Variants in FAM13A observed in about 807,000 individuals in gnomAD.
FAM13A encodes the protein family with sequence similarity 13 member A, also known as protein FAM13A.
A neutral mutation model predicts 129.6 loss-of-function variants in FAM13A; 76 were observed. The ratio of observed to expected loss-of-function variants is 0.59; its 90% CI spans 0.49 to 0.71. The LOEUF (loss-of-function observed/expected upper bound fraction) is 0.71. Among genes scored for constraint, FAM13A ranks in the 30% least tolerant of loss-of-function variants. The pLI is 0.00. For synonymous variants in FAM13A, 443 were observed against 449.9 expected, an observed-to-expected ratio of 0.98 and a Z score of 0.20; for missense variants, 1,108 against 1,249.3, an observed-to-expected ratio of 0.89 and a Z score of 1.70.
chr4:88,949,417 A>C (rs969571393), intron 4 of FAM13A, among the ~76,000 whole-genome samples: 1 of 152,202 alleles, frequency 6.6e-6, no homozygotes, highest in Non-Finnish European at 1.5e-5. Flanking sequence ...GACACACTGG[A>C]ACATTCTCCC....
At chr4:88,731,879 A>C (rs1225547452) in intron 22 of FAM13A, 123 bp downstream of exon 22, 3 of 781,452 alleles carry the variant, frequency 3.8e-6, no homozygotes, top group Non-Finnish European at 5.9e-6. Context: ...CGTTTTATCC[A>C]GATACACCCC....
intron 7 of FAM13A, among the ~76,000 whole-genome samples, chr4:88,831,706 C>T (rs1248490104): frequency 1.3e-5 from 2 of 152,114 alleles, no homozygotes; most frequent in Non-Finnish European, 2.9e-5. Context: ...AGGACCTCTT[C>T]AAGGAGAAGT....
chr4:88,754,578 G>T (rs1247842794), intron 14 of FAM13A, among the ~76,000 whole-genome samples: 1 of 152,162 alleles, frequency 6.6e-6, no homozygotes, highest in African/African-American at 2.4e-5. Context: ...TTTCTGCTCA[G>T]CTGAGCTAGG....
At chr4:88,735,144 T>A (rs1738719231) in intron 21 of FAM13A, among the ~76,000 whole-genome samples, 1 of 152,124 alleles carries the variant, frequency 6.6e-6, no homozygotes, top group African/African-American at 2.4e-5. Flanking sequence ...CAGGTGACTG[T>A]AAATACAGGC....
intron 5 of FAM13A, among the ~76,000 whole-genome samples, chr4:88,909,773 C>T (rs1417166606): frequency 6.6e-6 from 1 of 152,140 alleles, no homozygotes; most frequent in African/African-American, 2.4e-5. Flanking sequence ...AAGTGAGCCA[C>T]CGTACCCAGC....
chr4:89,024,144 A>C (rs1767629791), intron 2 of FAM13A, among the ~76,000 whole-genome samples: 1 of 152,228 alleles, frequency 6.6e-6, no homozygotes, highest in African/African-American at 2.4e-5. Context: ...AAATAGTATG[A>C]ATATTAAAAA....
intron 13 of FAM13A, chr4:88,759,222 T>A: frequency 4.4e-6 from 1 of 229,144 alleles, no homozygotes; most frequent in Non-Finnish European, 8.8e-6. Context: ...GGAGTATGGC[T>A]CTCATGACTG....
intron 5 of FAM13A, among the ~76,000 whole-genome samples, chr4:88,929,301 T>C (rs796547027): frequency 9.2e-4 from 140 of 152,288 alleles, no homozygotes; most frequent in Middle Eastern, 3.4e-3. Flanking sequence ...TAGACTTTTT[T>C]CTCTGGCTAA....
chr4:89,028,684 C>T (rs1312180370), intron 2 of FAM13A, among the ~76,000 whole-genome samples: 2 of 151,658 alleles, frequency 1.3e-5, no homozygotes, highest in Non-Finnish European at 2.9e-5. Flanking sequence ...GAGCAAGACC[C>T]TATCTCTTAA....
At chr4:88,732,310 G>T (rs1275282654) in intron 21 of FAM13A, 112 bp from the exon 22 acceptor site, 1 of 728,640 alleles carries the variant, frequency 1.4e-6, no homozygotes, top group African/African-American at 1.8e-5. Flanking sequence ...AGTTTCTTCT[G>T]TATCTACATT....
chr4:89,025,582 C>T (rs1438107537), intron 2 of FAM13A, among the ~76,000 whole-genome samples: 6 of 152,078 alleles, frequency 3.9e-5, no homozygotes. Context: ...TGTCTGTAAA[C>T]GACAGAAGAC....
At chr4:88,822,193 C>T (rs933710886) in intron 7 of FAM13A, among the ~76,000 whole-genome samples, 2 of 152,212 alleles carry the variant, frequency 1.3e-5, no homozygotes, top group South Asian at 2.1e-4. Flanking sequence ...ATATGATTAG[C>T]AAAGGTAATG....
chr4:88,981,830 A>G (rs1761696182), intron 4 of FAM13A, among the ~76,000 whole-genome samples: 1 of 152,222 alleles, frequency 6.6e-6, no homozygotes, highest in South Asian at 2.1e-4. Context: ...AATGTGTTCC[A>G]TGGGAAGAAC....
chr4:88,834,417 A>G (rs72872114), intron 7 of FAM13A, among the ~76,000 whole-genome samples: 2,156 of 152,274 alleles, frequency 0.014, 64 homozygotes, highest in African/African-American at 0.05. Context: ...AATAAGCTAG[A>G]CATACATTAA....
At position 89,046,967 on chromosome 4, in the gene FAM13A, T is replaced by G. The variant is rs561016517; in HGVS notation, c.27+9971A>C. Among the ~76,000 whole-genome samples the G allele has an allele frequency of 3.3e-5, 5 of 152,056 alleles. 1 individual carries two copies. In the South Asian group the frequency reaches 6.2e-4, roughly 19 times the overall value. On this transcript the variant is annotated intron_variant, in intron 1 of 23. Coordinates refer to ENST00000264344, the MANE Select transcript of FAM13A (RefSeq NM_014883.4). ...GAGAAACGGATGTTGGAAAGAAGTA[T>G]AGGTGGGATCTAAAGTGGCTCAAAT... is the stretch of plus-strand genomic sequence containing the variant.
At chr4:88,845,801 T>C (rs933191114) in intron 7 of FAM13A, among the ~76,000 whole-genome samples, 28 of 152,128 alleles carry the variant, frequency 1.8e-4, no homozygotes, top group African/African-American at 6.0e-4. Context: ...TTCTAAATAA[T>C]GAAAAAGTAT....
chr4:88,993,176 G>A (rs903429291), intron 3 of FAM13A, among the ~76,000 whole-genome samples: 3 of 152,182 alleles, frequency 2.0e-5, no homozygotes, highest in Admixed American at 2.0e-4. Context: ...ACTGCACTAT[G>A]ACCTTAAATA....
At chr4:88,850,882 T>G (rs1737442995) in intron 7 of FAM13A, 138 bp downstream of exon 7, 1 of 672,110 alleles carries the variant, frequency 1.5e-6, no homozygotes, top group Non-Finnish European at 2.4e-6. Flanking sequence ...AAACATAGAG[T>G]GAATTTTAAG....
intron 6 of FAM13A, among the ~76,000 whole-genome samples, chr4:88,896,355 G>A (rs904985025): frequency 6.6e-6 from 1 of 151,936 alleles, no homozygotes; most frequent in Non-Finnish European, 1.5e-5. Flanking sequence ...CACCAGCGTG[G>A]CACACGTATA....
Sources: gnomAD v4.1 joint callset for allele counts (sites outside exome capture counted in the v4.1 genomes callset) on GRCh38, gnomAD v4.1.1 for gene constraint, MANE v1.5 for transcripts, NCBI Gene and HGNC (gene_info 2026-07-23, HGNC 2026-07-21) for gene names.